Variants in ZZEF1 observed in about 807,000 individuals in gnomAD.
ZZEF1 encodes zinc finger ZZ-type and EF-hand domain containing 1, also known as zinc finger ZZ-type and EF-hand domain-containing protein 1.
Under a neutral mutation model 342.8 loss-of-function variants are expected in ZZEF1, and 157 were observed. The observed-to-expected ratio is 0.46, with a 90% CI of 0.40 to 0.52. ZZEF1 has a LOEUF of 0.52. ZZEF1 is among the 20% of genes least tolerant of loss of function. ZZEF1 has a pLI of 0.00. For synonymous variants in ZZEF1, 1,505 were observed against 1,429.1 expected, an observed-to-expected ratio of 1.05 and a Z score of -1.20; for missense variants, 3,480 against 3,725.6, an observed-to-expected ratio of 0.93 and a Z score of 1.72.
At chr17:4,105,059 T>C (rs1473196655) in intron 7 of ZZEF1, among the ~76,000 whole-genome samples, 1 of 152,240 alleles carries the variant, frequency 6.6e-6, no homozygotes, top group East Asian at 1.9e-4. Context: ...ACCAATACGC[T>C]ACTGTAATAA....
chr17:4,133,857 G>T (rs905976139), intron 1 of ZZEF1, among the ~76,000 whole-genome samples: 5 of 151,700 alleles, frequency 3.3e-5, no homozygotes, highest in Non-Finnish European at 7.4e-5. Flanking sequence ...GAGTGGCTGG[G>T]ACATGCTCAG....
In ZZEF1 at chr17:4,064,577, C is replaced by G; in HGVS notation, c.4502G>C (p.Ser1501Thr). 2 of 1,614,188 alleles carry G rather than the reference C, an allele frequency of 1.2e-6. No homozygotes were observed. The highest frequency in any genetic ancestry group is 1.7e-6 in the Non-Finnish European group (2 of 1,180,036). ...GGACACGTCTGCAGCAGGAAGGCCA[C>G]TGCTGGATGGCAGCTTTGGCTGGGT... The part of the protein sequence containing the change: ...LGTQPKLPSS[S>T]GLPAADVSPA... The change falls in exon 29 of 55, where the codon AGT becomes ACT. Residue 1501 changes from serine (S) to threonine (T), a missense_variant. Transcript: ENST00000381638.
At chr17:4,040,398 A>C (rs1476337581) in intron 39 of ZZEF1, among the ~76,000 whole-genome samples, 5 of 152,230 alleles carry the variant, frequency 3.3e-5, no homozygotes, top group African/African-American at 1.2e-4. Flanking sequence ...AATCCAAAAG[A>C]TACAACAAAA....
intron 1 of ZZEF1, among the ~76,000 whole-genome samples, chr17:4,124,495 T>A (rs573798436): frequency 4.0e-4 from 61 of 152,134 alleles, no homozygotes; most frequent in Non-Finnish European, 7.1e-4. Context: ...CAGGCCGGAG[T>A]GCAGTGGTGC....
At chr17:4,115,114 T>C (rs982747185) in intron 3 of ZZEF1, among the ~76,000 whole-genome samples, 3 of 152,092 alleles carry the variant, frequency 2.0e-5, no homozygotes, top group Non-Finnish European at 2.9e-5. Context: ...CTCGATCTCC[T>C]AGGCTCAAGT....
At chr17:4,056,439 T>A (rs556959117) in intron 32 of ZZEF1, 94 bp from the exon 33 acceptor site, 2 of 1,284,920 alleles carry the variant, frequency 1.6e-6, no homozygotes, top group African/African-American at 3.0e-5. Context: ...GTCTATTATA[T>A]TGGGCATTTT....
At chr17:4,131,844 T>C (rs2058667229) in intron 1 of ZZEF1, among the ~76,000 whole-genome samples, 1 of 151,966 alleles carries the variant, frequency 6.6e-6, no homozygotes, top group Non-Finnish European at 1.5e-5. Flanking sequence ...TACATAATCA[T>C]AATAAGGTAA....
intron 42 of ZZEF1, among the ~76,000 whole-genome samples, chr17:4,031,350 A>AAATAAATAAATT (rs1450134581): frequency 6.6e-6 from 1 of 151,768 alleles, no homozygotes; most frequent in Non-Finnish European, 1.5e-5. Context: ...ATAAATAAAT[A>AAATAAATAAATT]AATTTACAAT....
At chr17:4,046,541 G>A (rs976729335) in intron 37 of ZZEF1, among the ~76,000 whole-genome samples, 7 of 152,258 alleles carry the variant, frequency 4.6e-5, no homozygotes, top group African/African-American at 1.7e-4. Context: ...CGTCTCCCAG[G>A]GGTACCTAAC....
chr17:4,102,322 C>A lies in ZZEF1; in HGVS notation c.1667G>T (p.Arg556Met). 1 of 1,613,654 alleles carries A rather than the reference C, an allele frequency of 6.2e-7. No homozygotes were observed. The highest frequency in any genetic ancestry group is 8.5e-7 in the Non-Finnish European group (1 of 1,179,632). The change falls in exon 9 of 55, where the codon AGG becomes ATG. Residue 556 changes from arginine (R) to methionine (M), a missense_variant. Coordinates refer to ENST00000381638, the MANE Select transcript of ZZEF1 (RefSeq NM_015113.4). ...CAGACAGACCCACCACTCACCATCC[C>A]TTGTCCACGGTTCAACAAGGAGGTT... ...PENLLVEPWT[R>M]DGFLTETGKT...
chr17:4,140,543 T>C (rs1425515840), intron 1 of ZZEF1, among the ~76,000 whole-genome samples: 1 of 152,218 alleles, frequency 6.6e-6, no homozygotes, highest in Non-Finnish European at 1.5e-5. Context: ...AGTATCTGCT[T>C]TGTCCACTGT....
chr17:4,009,138 G>A (rs1052630857), intron 53 of ZZEF1, 184 bp from the exon 54 acceptor site: 14 of 720,634 alleles, frequency 1.9e-5, no homozygotes, highest in South Asian at 5.6e-5. Flanking sequence ...GCCCGGTGCC[G>A]GGGTCACCTT....
intron 27 of ZZEF1, among the ~76,000 whole-genome samples, chr17:4,066,792 T>C (rs192833231): frequency 2.0e-5 from 3 of 152,168 alleles, no homozygotes; most frequent in Admixed American, 2.0e-4. Flanking sequence ...ATGAAGAGTC[T>C]TACTAGGGTC....
rs2058039712 is a variant in ZZEF1, at chr17:4,096,704, A to T, written c.1673-4T>A. 1.2e-6 allele frequency: 2 copies of T among 1,612,480 alleles called. No individual in the cohort carries two copies. The highest frequency in any genetic ancestry group is 2.7e-5 in the African/African-American group (2 of 74,894). On this transcript the variant is annotated splice_polypyrimidine_tract_variant and splice_region_variant and intron_variant, in intron 9 of 54. Transcript: ENST00000381638. ...TTTCCAGTTTCCGTAAGAAAACCTG[A>T]AAAAAGGGAAAACTCAAGTTAGGGA...
chr17:4,114,154 A>G (rs1266836708), intron 4 of ZZEF1, 145 bp downstream of exon 4: 6 of 551,804 alleles, frequency 1.1e-5, no homozygotes, highest in East Asian at 1.0e-4. Flanking sequence ...TTAGGAATAT[A>G]TAAGCCAGGT....
Position 4,070,738 on chromosome 17 carries a change from A to G in ZZEF1, c.4021T>C (p.Phe1341Leu), listed in dbSNP as rs1295549944. 5 of 1,614,036 alleles carry G rather than the reference A, an allele frequency of 3.1e-6. No homozygotes were observed. The highest frequency in any genetic ancestry group is 4.2e-6 in the Non-Finnish European group (5 of 1,180,048). ...GGAGTGCGATACACCAGAGCAGCAAAGGTGGCGTTCACAGCTTGATCAATA... is the reference window on the plus strand; with the variant it reads ...GGAGTGCGATACACCAGAGCAGCAAGGGTGGCGTTCACAGCTTGATCAATA... ...STIDQAVNAT[F>L]AALVYRTPDL... Residue 1341 changes from phenylalanine (F) to leucine (L), a missense_variant, in exon 26 of 55, where the codon TTT (phenylalanine) becomes CTT (leucine). By Grantham distance (22) the Phe-to-Leu change is conservative. Transcript: ENST00000381638.
intron 30 of ZZEF1, among the ~76,000 whole-genome samples, chr17:4,060,561 AC>A (rs2057263138): frequency 8.3e-6 from 1 of 120,370 alleles, no homozygotes. Context: ...AGACAAAAAA[AC>A]AAACAACAAC....
intron 11 of ZZEF1, among the ~76,000 whole-genome samples, chr17:4,094,989 C>A (rs1481014558): frequency 6.6e-6 from 1 of 152,216 alleles, no homozygotes; most frequent in Non-Finnish European, 1.5e-5. Flanking sequence ...AATGCCTCAA[C>A]ACATTCCCCT....
At position 4,085,771 on chromosome 17, in the gene ZZEF1, T is replaced by C. The variant is rs929282342; in HGVS notation, c.2545A>G (p.Met849Val). Residue 849 changes from methionine (M) to valine (V), a missense_variant, in exon 16 of 55, where the codon ATG becomes GTG. Physicochemically the swap from Met to Val is conservative, Grantham distance 21. Coordinates refer to ENST00000381638, the MANE Select transcript of ZZEF1 (RefSeq NM_015113.4). ...CTGACTTCTTGTTTTAGTATCTCCA[T>C]GGGCACAGAGTCTCCATCCACCTTG... Reference protein sequence around the residue: ...VDKVDGDSVPMEILKQEVRNT... With the variant: ...VDKVDGDSVPVEILKQEVRNT... 2 of 1,614,040 alleles carry C rather than the reference T, an allele frequency of 1.2e-6. No individual in the cohort carries two copies. Among genetic ancestry groups the C allele is most frequent in the Admixed American group, 1.7e-5 (1 of 60,008 alleles).
Sources: gnomAD v4.1 joint callset for allele counts (sites outside exome capture counted in the v4.1 genomes callset) on GRCh38, gnomAD v4.1.1 for gene constraint, MANE v1.5 for transcripts, NCBI Gene and HGNC (gene_info 2026-07-23, HGNC 2026-07-21) for gene names.